The following PIK3CB variants were observed in gnomAD, a reference collection of about 807,000 sequenced individuals.
PIK3CB encodes phosphatidylinositol-4,5-bisphosphate 3-kinase catalytic subunit beta, also known as phosphatidylinositol 4,5-bisphosphate 3-kinase catalytic subunit beta isoform.
Under a neutral mutation model 136.8 loss-of-function variants are expected in PIK3CB, and 39 were observed. The ratio of observed to expected loss-of-function variants is 0.29; its 90% CI spans 0.22 to 0.37. The LOEUF (loss-of-function observed/expected upper bound fraction) is 0.37, where lower values mean the gene tolerates loss of function less well. PIK3CB is among the 10% of genes least tolerant of loss of function. The pLI, the probability that PIK3CB is intolerant of heterozygous loss-of-function variation, is 1.00. For synonymous variants in PIK3CB, 428 were observed against 436.6 expected, an observed-to-expected ratio of 0.98 and a Z score of 0.25; for missense variants, 868 against 1,275.4, an observed-to-expected ratio of 0.68 and a Z score of 4.87.
At chr3:138,766,999 CCT>C (rs2045739328) in intron 2 of PIK3CB, among the ~76,000 whole-genome samples, 1 of 81,012 alleles carries the variant, frequency 1.2e-5, no homozygotes, top group Non-Finnish European at 2.1e-5. Flanking sequence ...TCAGTATTCC[CCT>C]TTTTTTTTTG....
chr3:138,688,500 C>CAAAAAA (rs397991199), intron 16 of PIK3CB, among the ~76,000 whole-genome samples: 4 of 84,042 alleles, frequency 4.8e-5, no homozygotes, highest in Non-Finnish European at 6.5e-5. Context: ...GACTCTGTCA[C>CAAAAAA]AAAAAAAAAA....
intron 19 of PIK3CB, among the ~76,000 whole-genome samples, chr3:138,677,914 TAAATC>T (rs2043683141): frequency 6.6e-6 from 1 of 152,088 alleles, no homozygotes; most frequent in Non-Finnish European, 1.5e-5. Flanking sequence ...AAAAACTTGT[TAAATC>T]AAATATGCAG....
chr3:138,678,542 C>T (rs1402920284), intron 19 of PIK3CB, among the ~76,000 whole-genome samples: 1 of 151,766 alleles, frequency 6.6e-6, no homozygotes, highest in Non-Finnish European at 1.5e-5. Context: ...ATAGTAATCA[C>T]AATAAACAAT....
chr3:138,802,580 A>G (rs986685400), intron 1 of PIK3CB, among the ~76,000 whole-genome samples: 5 of 151,900 alleles, frequency 3.3e-5, no homozygotes, highest in African/African-American at 7.3e-5. Flanking sequence ...AAGGGCAAAT[A>G]GTATTGTTAC....
At chr3:138,726,120 C>T (rs1375220098) in intron 8 of PIK3CB, among the ~76,000 whole-genome samples, 1 of 152,186 alleles carries the variant, frequency 6.6e-6, no homozygotes, top group Non-Finnish European at 1.5e-5. Context: ...GTGTGCACTA[C>T]ACATTAACCA....
intron 2 of PIK3CB, among the ~76,000 whole-genome samples, chr3:138,775,629 A>C (rs1038393272): frequency 6.6e-6 from 1 of 152,134 alleles, no homozygotes; most frequent in Non-Finnish European, 1.5e-5. Flanking sequence ...GCAGCACCAC[A>C]ATGTTGCTGT....
At chr3:138,709,098 C>A in intron 10 of PIK3CB, among the ~76,000 whole-genome samples, 1 of 151,818 alleles carries the variant, frequency 6.6e-6, no homozygotes, top group East Asian at 1.9e-4. Flanking sequence ...AAAAGGCATT[C>A]ATATATACTA....
At position 138,654,001 on chromosome 3, in the gene PIK3CB, T is replaced by G. The variant is rs550548629; in HGVS notation, c.*1388A>C. 1.0e-5 allele frequency: 2 copies of G among 196,602 alleles called. No homozygotes were observed. The highest frequency in any genetic ancestry group is 4.6e-5 in the African/African-American group (2 of 43,234). The allele number at this position is 196,602 out of a possible 1,614,324, so 12.2% of individuals were successfully genotyped here. A position where few individuals can be genotyped will look rare whatever the true frequency, so the allele number is the denominator to read the frequency against. Reference sequence around the variant, plus strand: ...AAGTTCCAAAGGCCCAGTCTACCCATAAAGAAGAGGCTCACCCATTCCAAG... The same window carrying G: ...AAGTTCCAAAGGCCCAGTCTACCCAGAAAGAAGAGGCTCACCCATTCCAAG... On this transcript the variant is annotated 3_prime_UTR_variant, in exon 24 of 24. Coordinates refer to ENST00000674063, the MANE Select transcript of PIK3CB (RefSeq NM_006219.3).
intron 2 of PIK3CB, among the ~76,000 whole-genome samples, chr3:138,762,513 A>G (rs1321782035): frequency 6.6e-6 from 1 of 152,228 alleles, no homozygotes; most frequent in East Asian, 1.9e-4. Flanking sequence ...CACAGTCACT[A>G]CACATGTTAT....
At chr3:138,791,807 A>G (rs747526454) in intron 2 of PIK3CB, among the ~76,000 whole-genome samples, 1 of 152,156 alleles carries the variant, frequency 6.6e-6, no homozygotes, top group East Asian at 1.9e-4. Context: ...AATGTCACCT[A>G]ATCAGAGAGG....
At chr3:138,680,608 C>T (rs1429528271) in intron 19 of PIK3CB, among the ~76,000 whole-genome samples, 2 of 151,408 alleles carry the variant, frequency 1.3e-5, no homozygotes, top group Admixed American at 6.6e-5. Context: ...ATAAAAATAC[C>T]TGTGTTTTTG....
chr3:138,667,864 C>T (rs181135066), intron 19 of PIK3CB, among the ~76,000 whole-genome samples: 47 of 151,806 alleles, frequency 3.1e-4, no homozygotes, highest in Middle Eastern at 3.4e-3. Flanking sequence ...ATCAGGGGTT[C>T]GAGACCAGCC....
At chr3:138,772,969 G>A (rs527687562) in intron 2 of PIK3CB, among the ~76,000 whole-genome samples, 1 of 151,518 alleles carries the variant, frequency 6.6e-6, no homozygotes, top group East Asian at 2.0e-4. Context: ...TGTATTTTTA[G>A]TAGAGATGAG....
In PIK3CB at chr3:138,684,716, T is replaced by C. The variant is rs771885408; in HGVS notation, c.2224A>G (p.Met742Val). Residue 742 changes from methionine to valine, a missense_variant, in exon 17 of 24, where the codon ATG (methionine) becomes GTG (valine). Physicochemically the swap from Met to Val is conservative, Grantham distance 21. Transcript: ENST00000674063. Reference sequence around the variant, plus strand: ...GCACTCTGTTTTAAACAGGTATGCATGGCCTCCTTCCCTTTGGCTCTGTTT... The same window carrying C: ...GCACTCTGTTTTAAACAGGTATGCACGGCCTCCTTCCCTTTGGCTCTGTTT... Reference protein sequence around the residue: ...KLNRAKGKEAMHTCLKQSAYR... With the variant: ...KLNRAKGKEAVHTCLKQSAYR... The C allele has an allele frequency of 5.6e-6, 9 of 1,613,902 alleles. No homozygotes were observed. The South Asian group carries it at 8.8e-5, about 16-fold the overall frequency.
chr3:138,761,692 C>T (rs1037467340), intron 2 of PIK3CB, among the ~76,000 whole-genome samples: 6 of 151,918 alleles, frequency 3.9e-5, no homozygotes, highest in Non-Finnish European at 7.4e-5. Flanking sequence ...ATTGCTTGAA[C>T]CTGGGAGGCA....
chr3:138,712,506 A>T (rs1211791853), intron 9 of PIK3CB, among the ~76,000 whole-genome samples: 4 of 152,166 alleles, frequency 2.6e-5, no homozygotes, highest in Non-Finnish European at 5.9e-5. Flanking sequence ...AACTCAATTA[A>T]CATTTCATAA....
intron 4 of PIK3CB, 27 bp downstream of exon 4, chr3:138,755,727 G>T (rs749466534): frequency 2.3e-5 from 25 of 1,092,556 alleles, no homozygotes; most frequent in Admixed American, 9.4e-5. Flanking sequence ...TTAAGAATTT[G>T]TACTTTTTTT....
At chr3:138,658,011 G>T (rs1175576449) in intron 21 of PIK3CB, among the ~76,000 whole-genome samples, 176 bp from the exon 22 acceptor site, 1 of 151,984 alleles carries the variant, frequency 6.6e-6, no homozygotes, top group Non-Finnish European at 1.5e-5. Flanking sequence ...ACACTCTTAA[G>T]ACTTTTACAA....
In PIK3CB at chr3:138,700,087, T is replaced by C. The variant is rs183428545; in HGVS notation, c.1582-992A>G. On this transcript the variant is annotated intron_variant, in intron 12 of 23. Transcript: ENST00000674063. Reference sequence around the variant, plus strand: ...AAAATTTTTAAATAGCTAGGTATAGTGGCATGTGCTTGCAGTTCTAGCTAC... The same window carrying C: ...AAAATTTTTAAATAGCTAGGTATAGCGGCATGTGCTTGCAGTTCTAGCTAC... 3.9e-4 allele frequency among the ~76,000 whole-genome samples: 59 copies of C among 152,230 alleles called. 1 individual carries two copies. Among genetic ancestry groups the C allele is most frequent in the Admixed American group, 3.7e-3 (57 of 15,290 alleles).
Sources: gnomAD v4.1 joint callset for allele counts (sites outside exome capture counted in the v4.1 genomes callset) on GRCh38, gnomAD v4.1.1 for gene constraint, MANE v1.5 for transcripts, NCBI Gene and HGNC (gene_info 2026-07-23, HGNC 2026-07-21) for gene names.